Variants in SDR42E2 observed in about 807,000 individuals in gnomAD.
SDR42E2 encodes putative short-chain dehydrogenase/reductase family 42E member 2.
A neutral mutation model predicts 10.5 loss-of-function variants in SDR42E2; 20 were observed. The observed-to-expected ratio is 1.90, with a 90% CI of 1.34 to 2.77. The LOEUF (loss-of-function observed/expected upper bound fraction) is 2.77. SDR42E2 is among the 30% of genes most tolerant of loss of function. The probability of loss-of-function intolerance (pLI) is 0.00; values close to 1 mark genes in which losing one functional copy is unlikely to be tolerated. For missense variants in SDR42E2, 162 were observed against 104.2 expected, an observed-to-expected ratio of 1.55 and a Z score of -2.42; for synonymous variants, 72 against 39.2, an observed-to-expected ratio of 1.84 and a Z score of -3.12.
chr16:22,185,162 A>G (rs9939477), intron 11 of SDR42E2, among the ~76,000 whole-genome samples: 2 of 151,860 alleles, frequency 1.3e-5, no homozygotes, highest in Non-Finnish European at 2.9e-5. Context: ...CAGCACCCAT[A>G]CAATGGCCTC....
chr16:22,184,340 G>A (rs915522194), intron 11 of SDR42E2, 96 bp downstream of exon 11: 24 of 391,408 alleles, frequency 6.1e-5, no homozygotes, highest in African/African-American at 4.7e-4. Flanking sequence ...GGTGGCTCAC[G>A]CCTGTAATCC....
intron 12 of SDR42E2, among the ~76,000 whole-genome samples, chr16:22,188,819 C>T (rs1474401131): frequency 1.3e-5 from 2 of 151,946 alleles, no homozygotes; most frequent in African/African-American, 4.8e-5. Context: ...GACTTTATAG[C>T]CTTTTATGCA....
intron 12 of SDR42E2, among the ~76,000 whole-genome samples, chr16:22,188,925 G>T (rs1455687492): frequency 6.6e-6 from 1 of 152,138 alleles, no homozygotes; most frequent in Non-Finnish European, 1.5e-5. Flanking sequence ...GGGGAAGACA[G>T]CCCACTAACC....
intron 5 of SDR42E2, among the ~76,000 whole-genome samples, 190 bp downstream of exon 5, chr16:22,169,692 G>A (rs1460312977): frequency 6.6e-6 from 1 of 152,156 alleles, no homozygotes; most frequent in Non-Finnish European, 1.5e-5. Context: ...TGGGAACATG[G>A]GGACCAGAGT....
rs996001618 is a variant in SDR42E2, at chr16:22,190,352, C to T, written c.1228C>T (p.Leu410=). The change falls in exon 13 of 13, where the codon CTA becomes TTA. Residue 410 remains leucine, a synonymous_variant. Coordinates refer to ENST00000602312, the MANE Select transcript of SDR42E2 (RefSeq NM_001394319.2). The stretch of plus-strand genomic sequence containing the variant: ...CTTGCTCGCCCTGGCCCTGCACTTC[C>T]TAGGCCTGCAGCCTCTGCACGCCGC... The part of the protein sequence containing the change: ...LGLLALALHF[L]GLQPLHAAVE... 6.5e-5 allele frequency: 26 copies of T among 402,496 alleles called. No homozygotes were observed. The Middle Eastern group carries it at 1.2e-3, about 18-fold the overall frequency. The allele number at this position is 402,496 out of a possible 1,614,324, so 24.9% of individuals were successfully genotyped here.
intron 8 of SDR42E2, among the ~76,000 whole-genome samples, 190 bp from the exon 9 acceptor site, chr16:22,181,329 G>A (rs543424871): frequency 7.9e-5 from 12 of 152,232 alleles, no homozygotes; most frequent in African/African-American, 2.4e-4. Context: ...TCAGATGCTC[G>A]CTCCAGGAGC....
intron 12 of SDR42E2, among the ~76,000 whole-genome samples, chr16:22,188,362 C>T (rs1368559650): frequency 2.0e-5 from 3 of 152,076 alleles, no homozygotes; most frequent in Admixed American, 6.5e-5. Context: ...TTGAGCCATC[C>T]GGATCAGTGG....
intron 7 of SDR42E2, among the ~76,000 whole-genome samples, chr16:22,173,489 G>A (rs1264241802): frequency 1.3e-5 from 2 of 152,006 alleles, no homozygotes; most frequent in East Asian, 3.9e-4. Flanking sequence ...CAAAGTGCTG[G>A]GATTATAGGC....
chr16:22,190,131 C>A lies in SDR42E2; in HGVS notation c.1015-8C>A. 5.0e-6 allele frequency: 2 copies of A among 401,124 alleles called. No homozygotes were observed. Among genetic ancestry groups the A allele is most frequent in the South Asian group, 1.3e-4 (1 of 7,978 alleles). The allele number at this position is 401,124 out of a possible 1,614,324, so 24.8% of individuals were successfully genotyped here. A position where few individuals can be genotyped will look rare whatever the true frequency, so the allele number is the denominator to read the frequency against. ...GCCCGCCCTCGGATGCCCCGCCTGT[C>A]CCCGCAGGTGCGCAGCGTGGCCGTG... On this transcript the variant is annotated splice_region_variant and splice_polypyrimidine_tract_variant and intron_variant, in intron 12 of 12. Coordinates refer to ENST00000602312, the MANE Select transcript of SDR42E2 (RefSeq NM_001394319.2).
intron 11 of SDR42E2, among the ~76,000 whole-genome samples, chr16:22,186,172 G>A (rs2046735130): frequency 6.6e-6 from 1 of 152,026 alleles, no homozygotes; most frequent in South Asian, 2.1e-4. Flanking sequence ...GGATAACTTT[G>A]AATCTGTTCA....
At chr16:22,171,184 T>C (rs2046597333) in intron 6 of SDR42E2, among the ~76,000 whole-genome samples, 1 of 152,206 alleles carries the variant, frequency 6.6e-6, no homozygotes, top group Non-Finnish European at 1.5e-5. Context: ...ATTCTACCCA[T>C]GTGACCCTGA....
chr16:22,172,153 C>A, intron 6 of SDR42E2, 103 bp from the exon 7 acceptor site: 1 of 683,890 alleles, frequency 1.5e-6, no homozygotes, highest in Admixed American at 2.0e-5. Flanking sequence ...GGCCATATCC[C>A]AGTGGGAGTC....
intron 11 of SDR42E2, 82 bp from the exon 12 acceptor site, chr16:22,186,639 C>A: frequency 2.5e-6 from 1 of 401,038 alleles, no homozygotes; most frequent in Non-Finnish European, 4.4e-6. Context: ...AAATGGTGTC[C>A]CCCATTGATT....
rs1334641563 is a variant in SDR42E2, at chr16:22,184,722, A to C, written c.940+478A>C. ...GCAGCAGCTCCAAGCCTGAGTTTGC[A>C]CTTGTCTGGTGCCGGAAGCAAGTGC... On this transcript the variant is annotated intron_variant, in intron 11 of 12. Coordinates refer to ENST00000602312, the MANE Select transcript of SDR42E2 (RefSeq NM_001394319.2). 2.0e-5 allele frequency among the ~76,000 whole-genome samples: 3 copies of C among 152,202 alleles called. No individual in the cohort carries two copies. In the East Asian group the frequency reaches 5.8e-4, roughly 29 times the overall value.
intron 1 of SDR42E2, among the ~76,000 whole-genome samples, chr16:22,164,306 C>A (rs2046518746): frequency 6.6e-6 from 1 of 152,096 alleles, no homozygotes; most frequent in Non-Finnish European, 1.5e-5. Context: ...CACCTGTAAT[C>A]CCAGCACTTT....
intron 7 of SDR42E2, among the ~76,000 whole-genome samples, chr16:22,172,757 A>G (rs1412737613): frequency 1.3e-5 from 2 of 152,226 alleles, no homozygotes. Context: ...GCAACTTCCC[A>G]GTAGAGTCTA....
intron 8 of SDR42E2, among the ~76,000 whole-genome samples, chr16:22,181,246 G>T (rs1567243769): frequency 6.6e-6 from 1 of 152,148 alleles, no homozygotes; most frequent in Non-Finnish European, 1.5e-5. Context: ...TGGCTTTAGG[G>T]TTTTAACCTG....
chr16:22,177,942 G>A (rs2046658813), intron 7 of SDR42E2, among the ~76,000 whole-genome samples, 188 bp from the exon 8 acceptor site: 1 of 152,246 alleles, frequency 6.6e-6, no homozygotes, highest in East Asian at 1.9e-4. Context: ...GGAGGTGGGA[G>A]TGAGACTCTG....
chr16:22,163,644 T>C (rs1027405722), intron 1 of SDR42E2, among the ~76,000 whole-genome samples: 1 of 151,842 alleles, frequency 6.6e-6, no homozygotes, highest in Non-Finnish European at 1.5e-5. Context: ...CAGGCGGAGG[T>C]TGCAGTGAGC....
Sources: allele counts gnomAD v4.1 joint callset (sites outside exome capture counted in the v4.1 genomes callset), GRCh38; gene constraint gnomAD v4.1.1; transcripts MANE v1.5; gene names NCBI Gene and HGNC (gene_info 2026-07-23, HGNC 2026-07-21).